The following ERAP1 variants were observed in gnomAD, a reference collection of about 807,000 sequenced individuals.
ERAP1 encodes the protein adipocyte-derived leucine aminopeptidase.
Under a neutral mutation model 103.7 loss-of-function variants are expected in ERAP1, and 86 were observed. The observed-to-expected ratio is 0.83, with a 90% CI of 0.70 to 0.99. The LOEUF is 0.99. Ranked by LOEUF, ERAP1 falls within the 50% of genes least tolerant of loss-of-function variation. The pLI is 0.00. For missense variants in ERAP1, 1,009 were observed against 1,128.4 expected (o/e 0.89, Z 1.52); for synonymous variants, 398 against 402.4 (o/e 0.99, Z 0.13).
At chr5:96,805,357 TAA>T (rs57338770) in intron 1 of ERAP1, among the ~76,000 whole-genome samples, 1,955 of 138,878 alleles carry the variant, frequency 0.014, 19 homozygotes, top group African/African-American at 0.026. Context: ...TTTTTTTTTT[TAA>T]AAAAAAAAAA....
At chr5:96,847,170 C>T in the ERAP1 span, among the ~76,000 whole-genome samples, 1 of 150,710 alleles carries the variant, frequency 6.6e-6, no homozygotes, top group Non-Finnish European at 1.5e-5. Flanking sequence ...ATCGCTTGAA[C>T]CCGGGAGGCG....
chr5:96,862,678 AT>A, the ERAP1 span, among the ~76,000 whole-genome samples: 4 of 152,178 alleles, frequency 2.6e-5, no homozygotes, highest in African/African-American at 9.7e-5. Context: ...CTGTTGTTTC[AT>A]TTTAAGCTGA....
At position 96,784,007 on chromosome 5, in the gene ERAP1, C is replaced by T. The variant is rs758521582; in HGVS notation, c.2017G>A (p.Val673Met). The change falls in exon 14 of 19, where the codon GTG becomes ATG. Residue 673 changes from valine (V) to methionine (M), a missense_variant. By Grantham distance (21) the Val-to-Met change is conservative. Coordinates refer to ENST00000443439, the MANE Select transcript of ERAP1 (RefSeq NM_001040458.3). ...ATCAGCTCATTCAAACCTTGAAACA[C>T]GGGCATAATTTCAGTTTCATGTTTC... ...YLKHETEIMP[V>M]FQGLNELIPM... 29 of 1,613,792 alleles carry T rather than the reference C, an allele frequency of 1.8e-5. No homozygotes were observed. In the Admixed American group the frequency reaches 2.2e-4, roughly 12 times the overall value.
In ERAP1 at chr5:96,793,785, G is replaced by T. The variant is rs1221591302; in HGVS notation, c.1074+18C>A. 1 of 1,603,178 alleles carries T rather than the reference G, an allele frequency of 6.2e-7. No individual in the cohort carries two copies. The highest frequency in any genetic ancestry group is 1.7e-5 in the Admixed American group (1 of 59,592). ...AAATGTAGTTTATACTTTATTAAAA[G>T]TGTGAATGAGCTTATACCTGGTGAG... On this transcript the variant is annotated intron_variant, in intron 6 of 18. Coordinates refer to ENST00000443439, the MANE Select transcript of ERAP1 (RefSeq NM_001040458.3).
chr5:96,806,522 A>T (rs898953137), intron 1 of ERAP1, among the ~76,000 whole-genome samples: 2 of 152,186 alleles, frequency 1.3e-5, no homozygotes, highest in African/African-American at 4.8e-5. Context: ...GAAGCAAAGA[A>T]CCATTCATGT....
At chr5:96,912,743 C>A in the ERAP1 span, 1 of 1,600,072 alleles carries the variant, frequency 6.2e-7, no homozygotes, top group Non-Finnish European at 8.5e-7. Context: ...AAGTGCTGAA[C>A]AAAACAAAAT....
chr5:96,903,117 T>G, the ERAP1 span, among the ~76,000 whole-genome samples: 1 of 152,164 alleles, frequency 6.6e-6, no homozygotes, highest in Non-Finnish European at 1.5e-5. Context: ...TCCTTGCATG[T>G]CTCTTAGACC....
chr5:96,803,630 G>A lies in ERAP1; in HGVS notation c.297C>T (p.His99=), dbSNP rs767433831. Residue 99 remains histidine, a synonymous_variant, in exon 2 of 19, where the codon CAC becomes CAT. Transcript: ENST00000443439. ...TGAGGGTGGCCCTAGATATCTGCAGGTGGTGACTATGCAGGATGATGGTGC... is the reference window on the plus strand; with the variant it reads ...TGAGGGTGGCCCTAGATATCTGCAGATGGTGACTATGCAGGATGATGGTGC... ...PTSTIILHSH[H]LQISRATLRK... is the part of the protein sequence containing the mutation. 20 of 1,614,176 alleles carry A rather than the reference G, an allele frequency of 1.2e-5. No homozygotes were observed. In the Admixed American group the frequency reaches 3.2e-4, roughly 26 times the overall value.
the ERAP1 span, among the ~76,000 whole-genome samples, chr5:96,815,407 G>GTTTTTTTTTTTTTTTTTTTT: frequency 9.5e-6 from 1 of 105,458 alleles, no homozygotes; most frequent in Non-Finnish European, 2.1e-5. Context: ...TGTTTGTTTT[G>GTTTTTTTTTTTTTTTTTTTT]TTTTTTATTT....
chr5:96,771,594 T>C, downstream of ERAP1: 1 of 1,493,662 alleles, frequency 6.7e-7, no homozygotes, highest in Admixed American at 1.7e-5. Flanking sequence ...CATCTCCTCA[T>C]ACTTAATACA....
chr5:96,933,590 T>G, the ERAP1 span, among the ~76,000 whole-genome samples: 4 of 152,024 alleles, frequency 2.6e-5, no homozygotes, highest in African/African-American at 9.7e-5. Context: ...CTCTGCAGAG[T>G]TGGGATATGT....
chr5:96,896,687 C>T, the ERAP1 span: 1 of 1,522,956 alleles, frequency 6.6e-7, no homozygotes, highest in Non-Finnish European at 8.8e-7. Flanking sequence ...ACCATACTAC[C>T]ATTTTCTTTA....
At chr5:96,850,870 C>T in the ERAP1 span, among the ~76,000 whole-genome samples, 1 of 152,104 alleles carries the variant, frequency 6.6e-6, no homozygotes, top group Non-Finnish European at 1.5e-5. Context: ...AACTTCTCAA[C>T]CTTATCTAGG....
chr5:96,921,215 G>C, the ERAP1 span, among the ~76,000 whole-genome samples: 1 of 152,220 alleles, frequency 6.6e-6, no homozygotes, highest in Admixed American at 6.5e-5. Flanking sequence ...CTCAGCCTTC[G>C]GCTTACCCCT....
chr5:96,862,032 G>A, the ERAP1 span, among the ~76,000 whole-genome samples: 2 of 152,310 alleles, frequency 1.3e-5, no homozygotes, highest in South Asian at 2.1e-4. Context: ...CCAGGTTGGA[G>A]TGCAATAGTG....
In ERAP1 at chr5:96,795,164, T is replaced by C. The variant is rs370531954; in HGVS notation, c.799-2A>G. 1.2e-6 allele frequency: 2 copies of C among 1,613,242 alleles called. No individual in the cohort carries two copies. The highest frequency in any genetic ancestry group is 1.7e-6 in the Non-Finnish European group (2 of 1,179,932). ...GTCTGGCACAGCATAAACAGAAACC[T>C]AAAGAGAAAGGCACAGAAAGGAATT... is the stretch of plus-strand genomic sequence containing the variant. On this transcript the variant is annotated splice_acceptor_variant, in intron 4 of 18. Transcript: ENST00000443439. LOFTEE classifies it high-confidence loss of function.
At chr5:96,831,613 A>T in the ERAP1 span, among the ~76,000 whole-genome samples, 1 of 152,212 alleles carries the variant, frequency 6.6e-6, no homozygotes, top group Non-Finnish European at 1.5e-5. Flanking sequence ...CTGGGATACA[A>T]TCCCCAAGGG....
At chr5:96,880,800 A>G in the ERAP1 span, 1 of 162,772 alleles carries the variant, frequency 6.1e-6, no homozygotes, top group Admixed American at 5.6e-5. Context: ...CACTGAATGT[A>G]TAATGGTGGG....
At chr5:96,917,921 AAAAAAAAG>A in the ERAP1 span, 1 of 161,052 alleles carries the variant, frequency 6.2e-6, no homozygotes, top group African/African-American at 2.4e-5. Context: ...AAAAAAAAAA[AAAAAAAAG>A]AAAAAGAAAA....
Sources: gnomAD v4.1 joint callset for allele counts (sites outside exome capture counted in the v4.1 genomes callset) on GRCh38, gnomAD v4.1.1 for gene constraint, MANE v1.5 for transcripts, NCBI Gene and HGNC (gene_info 2026-07-23, HGNC 2026-07-21) for gene names.